ZNF710: variants seen among roughly 807,000 people sequenced by gnomAD.
The protein encoded by ZNF710 is zinc finger protein 710.
In ZNF710, 13 loss-of-function variants were observed where a neutral mutation model predicts 50.6. The observed-to-expected ratio is 0.26, with a 90% CI of 0.17 to 0.41. The LOEUF (loss-of-function observed/expected upper bound fraction) is 0.41. ZNF710 is among the 10% of genes least tolerant of loss of function. The pLI is 1.00. For missense variants in ZNF710, 721 were observed against 936.6 expected, an observed-to-expected ratio of 0.77 and a Z score of 3.01; for synonymous variants, 383 against 397.0, an observed-to-expected ratio of 0.96 and a Z score of 0.42.
chr15:90,004,577 A>C (rs757569675), intron 1 of ZNF710, among the ~76,000 whole-genome samples: 49 of 152,210 alleles, frequency 3.2e-4, no homozygotes, highest in Non-Finnish European at 6.5e-4. Flanking sequence ...CTTTGACTTC[A>C]AAGCTGGAAG....
intron 1 of ZNF710, among the ~76,000 whole-genome samples, chr15:90,037,122 G>C (rs1021752447): frequency 6.6e-6 from 1 of 152,296 alleles, no homozygotes; most frequent in African/African-American, 2.4e-5. Flanking sequence ...GGCTCGGGGT[G>C]GGGGTGGAGT....
chr15:90,016,030 G>A (rs1258736178), intron 1 of ZNF710, among the ~76,000 whole-genome samples: 1 of 152,248 alleles, frequency 6.6e-6, no homozygotes, highest in Non-Finnish European at 1.5e-5. Flanking sequence ...TGCTTATGCA[G>A]TAGCTCCGCA....
At chr15:90,019,723 C>T (rs897719516) in intron 1 of ZNF710, among the ~76,000 whole-genome samples, 5 of 152,144 alleles carry the variant, frequency 3.3e-5, no homozygotes, top group Non-Finnish European at 7.3e-5. Context: ...AATGGGAGTG[C>T]GAGGGCTGGG....
At position 90,074,298 on chromosome 15, in the gene ZNF710, G is replaced by A. The variant is rs745908623; in HGVS notation, c.1825+8G>A. 4 of 1,612,250 alleles carry A rather than the reference G, an allele frequency of 2.5e-6. No homozygotes were observed. The highest frequency in any genetic ancestry group is 2.2e-5 in the East Asian group (1 of 44,872). On this transcript the variant is annotated splice_region_variant and intron_variant, in intron 4 of 4. Coordinates refer to ENST00000268154, the MANE Select transcript of ZNF710 (RefSeq NM_198526.4). ...TCGGCCTGGACAGCCAAGGTGGGTG[G>A]GCCAAGCGCAATGGACAGAGCAGGA... is the stretch of plus-strand genomic sequence containing the variant.
intron 1 of ZNF710, among the ~76,000 whole-genome samples, chr15:90,001,966 T>TGAGAGAGAGAGAGAGAGAGAGAGA (rs745830369): frequency 1.0e-5 from 1 of 96,790 alleles, no homozygotes; most frequent in African/African-American, 4.2e-5. Context: ...AGCGCGCGAA[T>TGAGAGAGAGAGAGAGAGAGAGAGA]GAGAGAGAGA....
chr15:90,080,077 T>C lies in ZNF710; in HGVS notation c.*248T>C, dbSNP rs1900685576. 1.5e-5 allele frequency: 6 copies of C among 397,482 alleles called. No homozygotes were observed. In the South Asian group the frequency reaches 2.2e-4, roughly 15 times the overall value. 24.6% of individuals were successfully genotyped at this position (397,482 alleles called of 1,614,324 possible). ...GGAAGGAGAACACGCGAGGCCCAGATCTGGGTCTCCCTGGCCTGCTTCCGT... is the reference window on the plus strand; with the variant it reads ...GGAAGGAGAACACGCGAGGCCCAGACCTGGGTCTCCCTGGCCTGCTTCCGT... On this transcript the variant is annotated 3_prime_UTR_variant, in exon 5 of 5. Transcript: ENST00000268154.
At chr15:90,037,321 C>T (rs1410682016) in intron 1 of ZNF710, among the ~76,000 whole-genome samples, 1 of 152,198 alleles carries the variant, frequency 6.6e-6, no homozygotes, top group Non-Finnish European at 1.5e-5. Context: ...TGGCATTTGC[C>T]CTCCCAGGGC....
intron 1 of ZNF710, among the ~76,000 whole-genome samples, chr15:90,019,112 A>T (rs1389990351): frequency 1.3e-5 from 2 of 150,562 alleles, no homozygotes; most frequent in African/African-American, 4.9e-5. Context: ...AGTATATTGT[A>T]TAGCCCCCCC....
At position 90,065,080 on chromosome 15, in the gene ZNF710, C is replaced by G. The variant is rs890760377; in HGVS notation, c.-28-2030C>G. Among the ~76,000 whole-genome samples the G allele has an allele frequency of 1.5e-4, 23 of 152,312 alleles. No homozygotes were observed. In the East Asian group the frequency reaches 4.2e-3, roughly 28 times the overall value. On this transcript the variant is annotated intron_variant, in intron 1 of 4. Transcript: ENST00000268154. ...CTATTCCAGATGCACCCTGACCCCCCAGGCCGAGGTTTCCTTCTATCTGAT... is the reference window on the plus strand; with the variant it reads ...CTATTCCAGATGCACCCTGACCCCCGAGGCCGAGGTTTCCTTCTATCTGAT...
At chr15:90,056,039 C>T (rs1441058927) in intron 1 of ZNF710, among the ~76,000 whole-genome samples, 1 of 148,022 alleles carries the variant, frequency 6.8e-6, no homozygotes, top group Non-Finnish European at 1.5e-5. Flanking sequence ...ATCGCTTGAA[C>T]CAGGAGGTGG....
intron 1 of ZNF710, among the ~76,000 whole-genome samples, chr15:90,027,360 G>A (rs1455294574): frequency 6.6e-6 from 1 of 152,024 alleles, no homozygotes; most frequent in Non-Finnish European, 1.5e-5. Flanking sequence ...ACAGGCGTGT[G>A]CCACCAACCC....
chr15:90,008,424 G>GTATATATATATACA (rs1567218324), intron 1 of ZNF710, among the ~76,000 whole-genome samples: 1 of 126,328 alleles, frequency 7.9e-6, no homozygotes, highest in African/African-American at 3.8e-5. Context: ...GTGTGTGTGT[G>GTATATATATATACA]TGTATATATA....
chr15:90,063,016 T>C (rs1050727766), intron 1 of ZNF710, among the ~76,000 whole-genome samples: 1 of 152,074 alleles, frequency 6.6e-6, no homozygotes, highest in Non-Finnish European at 1.5e-5. Flanking sequence ...AGGTGGGCAG[T>C]GGCTCAATGA....
chr15:90,018,406 G>T (rs1898514893), intron 1 of ZNF710, among the ~76,000 whole-genome samples: 1 of 152,084 alleles, frequency 6.6e-6, no homozygotes, highest in South Asian at 2.1e-4. Flanking sequence ...GACTTCAGGT[G>T]ATCCGCCTAC....
rs557461733 is a variant in ZNF710 at position 90,058,478 on chromosome 15, G to A, written c.-28-8632G>A. ...AGTTTCACTCTCCATCTCACTTACC[G>A]CATTCAGTCTTGGTCCCTTGGCGAC... On this transcript the variant is annotated intron_variant, in intron 1 of 4. Transcript: ENST00000268154. Among the ~76,000 whole-genome samples the A allele has an allele frequency of 1.6e-4, 25 of 152,120 alleles. 1 individual carries two copies. The highest frequency in any genetic ancestry group is 5.5e-4 in the African/African-American group (23 of 41,474).
intron 1 of ZNF710, among the ~76,000 whole-genome samples, chr15:90,061,572 C>T (rs72758615): frequency 0.12 from 18,515 of 152,154 alleles, 1,320 homozygotes; most frequent in African/African-American, 0.17. Context: ...TGGCTCCTGT[C>T]GTGCGAGACC....
At chr15:90,070,264 G>A (rs1251928468) in intron 2 of ZNF710, among the ~76,000 whole-genome samples, 1 of 151,728 alleles carries the variant, frequency 6.6e-6, no homozygotes, top group Non-Finnish European at 1.5e-5. Flanking sequence ...GGAGGCTGAG[G>A]TGGGAAGTTT....
At chr15:90,026,273 A>AAAAG (rs1898777454) in intron 1 of ZNF710, among the ~76,000 whole-genome samples, 1 of 151,072 alleles carries the variant, frequency 6.6e-6, no homozygotes, top group Non-Finnish European at 1.5e-5. Context: ...CAACAACAAA[A>AAAAG]AAAAAAAAGG....
At chr15:90,015,224 C>G (rs1313793768) in intron 1 of ZNF710, among the ~76,000 whole-genome samples, 1 of 152,136 alleles carries the variant, frequency 6.6e-6, no homozygotes, top group East Asian at 1.9e-4. Flanking sequence ...GCTAAAAACA[C>G]AGACAGTTCA....
Sources: gnomAD v4.1 joint callset for allele counts (sites outside exome capture counted in the v4.1 genomes callset) on GRCh38, gnomAD v4.1.1 for gene constraint, MANE v1.5 for transcripts, NCBI Gene and HGNC (gene_info 2026-07-23, HGNC 2026-07-21) for gene names.